The following C13orf42 variants were observed in gnomAD, a reference collection of about 807,000 sequenced individuals.
The protein encoded by C13orf42 is chromosome 13 open reading frame 42.
upstream of C13orf42, among the ~76,000 whole-genome samples, chr13:51,112,059 C>T (rs1348602326): frequency 2.0e-5 from 3 of 152,234 alleles, no homozygotes; most frequent in Admixed American, 6.5e-5. Context: ...GACTAGTTAA[C>T]ATCAGACATA....
chr13:51,105,221 A>G (rs568862385), intron 1 of C13orf42, among the ~76,000 whole-genome samples: 24 of 152,196 alleles, frequency 1.6e-4, no homozygotes, highest in Admixed American at 4.6e-4. Flanking sequence ...CTGCCAATCC[A>G]TAGTCTCTCA....
chr13:51,151,497 C>T (rs534870691), intron 1 of C13orf42, among the ~76,000 whole-genome samples: 8 of 152,228 alleles, frequency 5.3e-5, no homozygotes, highest in Non-Finnish European at 1.0e-4. Context: ...CTGTGTTGGA[C>T]ATCTAACCTA....
At chr13:51,118,509 T>C (rs1593540964) in intron 1 of C13orf42, among the ~76,000 whole-genome samples, 1 of 152,146 alleles carries the variant, frequency 6.6e-6, no homozygotes, top group Non-Finnish European at 1.5e-5. Flanking sequence ...CCTCAGTGAG[T>C]CTTCCCTAGA....
intron 1 of C13orf42, among the ~76,000 whole-genome samples, chr13:51,156,761 T>C (rs1953827274): frequency 6.6e-6 from 1 of 152,210 alleles, no homozygotes; most frequent in Non-Finnish European, 1.5e-5. Flanking sequence ...ATAAGGAATC[T>C]GAATATTGTT....
In C13orf42 at chr13:51,082,195, C is replaced by T. The variant is rs1163768297; in HGVS notation, c.*1956G>A. ...CCACCAGACACCATCTCAAGATTCC[C>T]CAGGCAGAGCACAGATCCTTGGGTT... is the stretch of plus-strand genomic sequence containing the variant. On this transcript the variant is annotated 3_prime_UTR_variant, in exon 4 of 4. Coordinates refer to ENST00000563710, the MANE Select transcript of C13orf42 (RefSeq NM_001351589.3). The T allele has an allele frequency of 6.6e-6, 1 of 152,150 alleles. No homozygotes were observed. Among genetic ancestry groups the T allele is most frequent in the Non-Finnish European group, 1.5e-5 (1 of 68,028 alleles). 9.4% of individuals were successfully genotyped at this position (152,150 alleles called of 1,614,324 possible).
chr13:51,146,896 T>C (rs1253132641), intron 1 of C13orf42, among the ~76,000 whole-genome samples: 1 of 152,202 alleles, frequency 6.6e-6, no homozygotes, highest in Non-Finnish European at 1.5e-5. Flanking sequence ...TTTCTCTATC[T>C]CAGTGTCTGT....
chr13:51,111,332 CT>C, upstream of C13orf42: 2 of 397,292 alleles, frequency 5.0e-6, no homozygotes, highest in Non-Finnish European at 4.4e-6. Flanking sequence ...GGCCTCTGAT[CT>C]CTAGGATCCC....
intron 1 of C13orf42, among the ~76,000 whole-genome samples, chr13:51,138,324 G>A (rs756057818): frequency 5.9e-5 from 9 of 152,138 alleles, no homozygotes; most frequent in Non-Finnish European, 7.3e-5. Context: ...GCACATTTGC[G>A]TGTAGGTTAA....
At chr13:51,138,788 A>G (rs751004084) in intron 1 of C13orf42, among the ~76,000 whole-genome samples, 16 of 152,216 alleles carry the variant, frequency 1.1e-4, no homozygotes, top group Non-Finnish European at 1.8e-4. Flanking sequence ...CCACACTCCC[A>G]TGTTCCCTGC....
chr13:51,156,138 G>A (rs1953822739), intron 1 of C13orf42, among the ~76,000 whole-genome samples: 1 of 152,178 alleles, frequency 6.6e-6, no homozygotes, highest in South Asian at 2.1e-4. Context: ...TGGGGAAGAA[G>A]GAAAGCAGTC....
chr13:51,156,593 T>C (rs1012421859), intron 1 of C13orf42, among the ~76,000 whole-genome samples: 2 of 152,234 alleles, frequency 1.3e-5, no homozygotes, highest in Admixed American at 6.5e-5. Context: ...CCTTACTTGT[T>C]ATAAGGTCTC....
At chr13:51,120,067 C>G (rs562299136) in intron 1 of C13orf42, among the ~76,000 whole-genome samples, 2 of 152,190 alleles carry the variant, frequency 1.3e-5, no homozygotes, top group African/African-American at 4.8e-5. Flanking sequence ...TATAGGCACT[C>G]AATAAATGGT....
upstream of C13orf42, among the ~76,000 whole-genome samples, chr13:51,114,313 A>G (rs1205176462): frequency 6.6e-6 from 1 of 152,214 alleles, no homozygotes; most frequent in Non-Finnish European, 1.5e-5. Context: ...CTCCAAAACT[A>G]GATACCACCT....
chr13:51,097,455 G>A (rs1953246926), intron 1 of C13orf42, among the ~76,000 whole-genome samples: 3 of 152,174 alleles, frequency 2.0e-5, no homozygotes, highest in South Asian at 4.1e-4. Context: ...TAAGTACCAA[G>A]TCTAAACTAC....
Position 51,151,299 on chromosome 13 carries a change from A to G in C13orf42, n.136+20954T>C, listed in dbSNP as rs561926012. On this transcript the variant is annotated intron_variant and non_coding_transcript_variant, in intron 1 of 4. Coordinates refer to the C13orf42 transcript ENST00000433280. ...AAATGAAATGTGAGAGAGACTCAGC[A>G]CACCATTGCTGACTTTCAAGACAGA... Among the ~76,000 whole-genome samples, 6 of 152,308 alleles carry G rather than the reference A, an allele frequency of 3.9e-5. No homozygotes were observed. In the East Asian group the frequency reaches 7.7e-4, roughly 20 times the overall value.
At chr13:51,145,740 T>C (rs1174910407) in intron 1 of C13orf42, among the ~76,000 whole-genome samples, 1 of 151,828 alleles carries the variant, frequency 6.6e-6, no homozygotes, top group Non-Finnish European at 1.5e-5. Context: ...CATTTATGTA[T>C]CACCCATCTG....
chr13:51,162,394 G>T lies in C13orf42; in HGVS notation n.136+9859C>A, dbSNP rs1008774063. 3 of 155,984 alleles carry T rather than the reference G, an allele frequency of 1.9e-5. No homozygotes were observed. The East Asian group carries it at 5.5e-4, about 28-fold the overall frequency. The allele number at this position is 155,984 out of a possible 1,614,324, so 9.7% of individuals were successfully genotyped here. On this transcript the variant is annotated intron_variant and non_coding_transcript_variant, in intron 1 of 4. Coordinates refer to the C13orf42 transcript ENST00000433280. ...AGCACTGACTACTAGGAACTGGAAT[G>T]TACTCAAATTCTCCACCTTGTCATA...
chr13:51,121,539 T>C (rs1265361766), intron 1 of C13orf42, among the ~76,000 whole-genome samples: 5 of 37,580 alleles, frequency 1.3e-4, no homozygotes, highest in Non-Finnish European at 2.0e-4. Flanking sequence ...AAAAATTTTC[T>C]TTTTTTTTTT....
At chr13:51,145,551 G>A (rs927757028) in intron 1 of C13orf42, among the ~76,000 whole-genome samples, 1 of 152,062 alleles carries the variant, frequency 6.6e-6, no homozygotes, top group Non-Finnish European at 1.5e-5. Flanking sequence ...AAAAAGGGGG[G>A]AAATGTTAAA....
Sources: allele counts gnomAD v4.1 joint callset (sites outside exome capture counted in the v4.1 genomes callset), GRCh38; gene constraint gnomAD v4.1.1; transcripts MANE v1.5; gene names NCBI Gene and HGNC (gene_info 2026-07-23, HGNC 2026-07-21).